Variants in ADAMTSL1 observed in about 807,000 individuals in gnomAD.
ADAMTSL1 encodes ADAMTS-like protein 1.
Under a neutral mutation model 201.8 loss-of-function variants are expected in ADAMTSL1, and 126 were observed. The ratio of observed to expected loss-of-function variants is 0.62; its 90% CI spans 0.54 to 0.72. ADAMTSL1 has a LOEUF of 0.72. Ranked by LOEUF, ADAMTSL1 falls within the 30% of genes least tolerant of loss-of-function variation. ADAMTSL1 has a pLI of 0.00. For missense variants in ADAMTSL1, 2,679 were observed against 2,277.8 expected, an observed-to-expected ratio of 1.18 and a Z score of -3.59; for synonymous variants, 1,121 against 903.4, an observed-to-expected ratio of 1.24 and a Z score of -4.32.
At chr9:18,083,475 A>G (rs1011871509) in intron 1 of ADAMTSL1, among the ~76,000 whole-genome samples, 5 of 152,220 alleles carry the variant, frequency 3.3e-5, no homozygotes, top group Admixed American at 6.5e-5. Flanking sequence ...ACATCACCCA[A>G]GAAAAATGTA....
chr9:18,260,028 A>G (rs1831854178), intron 2 of ADAMTSL1, among the ~76,000 whole-genome samples: 1 of 152,220 alleles, frequency 6.6e-6, no homozygotes, highest in South Asian at 2.1e-4. Flanking sequence ...TTATTTTAAC[A>G]TTGAGAAAAC....
Position 18,546,042 on chromosome 9 carries a change from G to C in ADAMTSL1, c.237+12750G>C, listed in dbSNP as rs146352613. On this transcript the variant is annotated intron_variant, in intron 3 of 28. Transcript: ENST00000380548. ...ATAAGCAAGGGCCATTATTTAATTA[G>C]TTAACAAGTTTTTGTACTATCATTC... is the stretch of plus-strand genomic sequence containing the variant. Among the ~76,000 whole-genome samples the C allele has an allele frequency of 1.2e-4, 19 of 152,260 alleles. No individual in the cohort carries two copies. The East Asian group carries it at 2.1e-3, about 17-fold the overall frequency.
intron 7 of ADAMTSL1, among the ~76,000 whole-genome samples, chr9:18,648,388 T>C (rs916751287): frequency 2.6e-5 from 4 of 152,132 alleles, no homozygotes; most frequent in East Asian, 3.9e-4. Flanking sequence ...TCCATTTACA[T>C]TTAAAGTTAA....
At chr9:18,096,012 A>G (rs892354602) in intron 1 of ADAMTSL1, among the ~76,000 whole-genome samples, 1 of 152,068 alleles carries the variant, frequency 6.6e-6, no homozygotes, top group Admixed American at 6.6e-5. Flanking sequence ...TCTTTCCTTC[A>G]TTTCTGGTTG....
intron 7 of ADAMTSL1, among the ~76,000 whole-genome samples, chr9:18,652,302 G>A (rs1301532248): frequency 6.7e-6 from 1 of 150,206 alleles, no homozygotes; most frequent in Non-Finnish European, 1.5e-5. Context: ...AATCCAGGAG[G>A]CGGAGGTTAC....
chr9:18,508,380 T>C (rs1167053779), intron 2 of ADAMTSL1, among the ~76,000 whole-genome samples: 1 of 152,164 alleles, frequency 6.6e-6, no homozygotes, highest in Non-Finnish European at 1.5e-5. Flanking sequence ...GCAAGTCCCC[T>C]TTGGTATCTA....
At chr9:18,553,998 C>A (rs1297875021) in intron 3 of ADAMTSL1, among the ~76,000 whole-genome samples, 1 of 151,758 alleles carries the variant, frequency 6.6e-6, no homozygotes, top group Non-Finnish European at 1.5e-5. Context: ...ATTTCTTAGT[C>A]TGTTATTAAT....
At chr9:18,880,972 T>C (rs1054841422) in intron 23 of ADAMTSL1, among the ~76,000 whole-genome samples, 18 of 152,212 alleles carry the variant, frequency 1.2e-4, no homozygotes, top group African/African-American at 4.3e-4. Flanking sequence ...GTTTCTTTCC[T>C]AAAACCTTAT....
intron 1 of ADAMTSL1, among the ~76,000 whole-genome samples, chr9:18,048,360 G>A (rs899465367): frequency 1.3e-5 from 2 of 151,968 alleles, no homozygotes; most frequent in African/African-American, 4.8e-5. Context: ...AATTCCAGTT[G>A]GTTTTATGCA....
At chr9:17,981,057 C>T (rs1818672420) in intron 1 of ADAMTSL1, among the ~76,000 whole-genome samples, 1 of 152,170 alleles carries the variant, frequency 6.6e-6, no homozygotes. Context: ...GGATTCATCC[C>T]CATGATCCAG....
rs75660042 is a variant in ADAMTSL1, at chr9:17,937,392, A to T, written c.87+30470A>T. Among the ~76,000 whole-genome samples, 390 of 152,086 alleles carry T rather than the reference A, an allele frequency of 2.6e-3. 8 individuals carry two copies. In the East Asian group the frequency reaches 0.056, roughly 22 times the overall value. Reference sequence around the variant, plus strand: ...GAAGACCTTTCTGCCTTCACTGCACACGTTCTCTCTGCGGCTCCACACTGC... The same window carrying T: ...GAAGACCTTTCTGCCTTCACTGCACTCGTTCTCTCTGCGGCTCCACACTGC... On this transcript the variant is annotated intron_variant, in intron 1 of 29. Coordinates refer to the ADAMTSL1 transcript ENST00000680146.
chr9:18,388,955 C>G (rs904876145), intron 2 of ADAMTSL1, among the ~76,000 whole-genome samples: 1 of 152,112 alleles, frequency 6.6e-6, no homozygotes, highest in Non-Finnish European at 1.5e-5. Context: ...CGGGGTTTCA[C>G]CATCTTGGCT....
chr9:18,742,818 G>C (rs759534829), intron 15 of ADAMTSL1, among the ~76,000 whole-genome samples: 1 of 152,162 alleles, frequency 6.6e-6, no homozygotes, highest in Admixed American at 6.5e-5. Flanking sequence ...ATATAAAATA[G>C]AGACAAACTG....
chr9:17,978,485 T>A (rs1212109823), intron 1 of ADAMTSL1, among the ~76,000 whole-genome samples: 2 of 152,086 alleles, frequency 1.3e-5, no homozygotes, highest in African/African-American at 4.8e-5. Flanking sequence ...TGTATTTCCA[T>A]GAGGCTTACA....
At chr9:18,778,567 TTAA>T (rs1289231147) in intron 19 of ADAMTSL1, among the ~76,000 whole-genome samples, 1 of 152,336 alleles carries the variant, frequency 6.6e-6, no homozygotes, top group Non-Finnish European at 1.5e-5. Flanking sequence ...GGTAGTAGAA[TTAA>T]TAATATTTTT....
At position 18,889,595 on chromosome 9, in the gene ADAMTSL1, C is replaced by A. The variant is rs1215927551; in HGVS notation, c.4490C>A (p.Ala1497Glu). 1 of 1,613,878 alleles carries A rather than the reference C, an allele frequency of 6.2e-7. No homozygotes were observed. Among genetic ancestry groups the A allele is most frequent in the South Asian group, 1.1e-5 (1 of 91,052 alleles). Residue 1497 changes from alanine (A) to glutamate (E), a missense_variant, in exon 25 of 29, where the codon GCA becomes GAA. Ala to Glu is a moderately radical substitution (Grantham distance 107). Coordinates refer to ENST00000380548, the MANE Select transcript of ADAMTSL1 (RefSeq NM_001040272.6). The part of the protein sequence containing the change: ...QDYWWSVDRL[A>E]TCSASCGNRG... The stretch of plus-strand genomic sequence containing the variant: ...TACTGGTGGTCTGTGGACAGACTGG[C>A]AACCTGCTCAGCCTCCTGTGGTAAC...
chr9:17,981,092 T>G (rs1322137724), intron 1 of ADAMTSL1, among the ~76,000 whole-genome samples: 2 of 152,218 alleles, frequency 1.3e-5, no homozygotes, highest in African/African-American at 4.8e-5. Flanking sequence ...GTCCTACTTC[T>G]AACATTGGGG....
chr9:18,168,204 G>A (rs796607722), intron 2 of ADAMTSL1, among the ~76,000 whole-genome samples: 11 of 151,958 alleles, frequency 7.2e-5, no homozygotes, highest in African/African-American at 2.7e-4. Flanking sequence ...ATGTTGGTGT[G>A]CTGCACCCAT....
chr9:18,776,813 C>T lies in ADAMTSL1; in HGVS notation c.2584C>T (p.His862Tyr), dbSNP rs1821038792. 2 of 1,566,224 alleles carry T rather than the reference C, an allele frequency of 1.3e-6. No individual in the cohort carries two copies. Among genetic ancestry groups the T allele is most frequent in the Admixed American group, 1.9e-5 (1 of 52,818 alleles). Residue 862 changes from histidine to tyrosine, a missense_variant, in exon 19 of 29, where the codon CAC becomes TAC. By Grantham distance (83) the His-to-Tyr change is moderately conservative. Transcript: ENST00000380548. ...GCGGCCATCCACGAAGCACAGCCCG[C>T]ACATCGCGGCCGCCAGGAAGGTCTA... is the stretch of plus-strand genomic sequence containing the variant. ...PGRPSTKHSP[H>Y]IAAARKVYIQ...
Sources: gnomAD v4.1 joint callset for allele counts (sites outside exome capture counted in the v4.1 genomes callset) on GRCh38, gnomAD v4.1.1 for gene constraint, MANE v1.5 for transcripts, NCBI Gene and HGNC (gene_info 2026-07-23, HGNC 2026-07-21) for gene names.